Variants in RARS2 observed in about 807,000 individuals in gnomAD.
RARS2 encodes the protein probable arginine--tRNA ligase, mitochondrial.
In RARS2, 67 loss-of-function variants were observed where a neutral mutation model predicts 88.5. The ratio of observed to expected loss-of-function variants is 0.76; its 90% CI spans 0.62 to 0.93. RARS2 has a LOEUF of 0.93. Ranked by LOEUF, RARS2 falls within the 40% of genes least tolerant of loss-of-function variation. The pLI is 0.00. For missense variants in RARS2, 664 were observed against 684.2 expected (o/e 0.97, Z 0.33); for synonymous variants, 239 against 230.3 (o/e 1.04, Z -0.34).
At chr6:87,538,925 T>C (rs35350424) in intron 8 of RARS2, among the ~76,000 whole-genome samples, 9,338 of 151,896 alleles carry the variant, frequency 0.061, 340 homozygotes, top group African/African-American at 0.11. Flanking sequence ...TCCTAGCTAC[T>C]TGGGTTGCTG....
intron 8 of RARS2, among the ~76,000 whole-genome samples, chr6:87,537,338 T>C (rs1231862431): frequency 6.6e-6 from 1 of 152,100 alleles, no homozygotes; most frequent in Non-Finnish European, 1.5e-5. Flanking sequence ...CATTCTATAG[T>C]GGGGGTGTGG....
intron 8 of RARS2, among the ~76,000 whole-genome samples, chr6:87,538,935 G>A (rs1336645770): frequency 6.6e-6 from 1 of 152,024 alleles, no homozygotes; most frequent in Non-Finnish European, 1.5e-5. Flanking sequence ...TTGGGTTGCT[G>A]AGGTGGGAGA....
intron 5 of RARS2, among the ~76,000 whole-genome samples, chr6:87,551,988 A>G (rs1412355445): frequency 6.6e-6 from 1 of 152,180 alleles, no homozygotes; most frequent in Non-Finnish European, 1.5e-5. Context: ...GAGGAGTCCA[A>G]ATCTATGATG....
chr6:87,588,827 A>G (rs1174103830), intron 1 of RARS2, among the ~76,000 whole-genome samples: 1 of 152,172 alleles, frequency 6.6e-6, no homozygotes, highest in Non-Finnish European at 1.5e-5. Flanking sequence ...TCTCCCTCTG[A>G]AAGACCAGCC....
chr6:87,582,324 T>C (rs562556141), intron 1 of RARS2, among the ~76,000 whole-genome samples: 68 of 152,340 alleles, frequency 4.5e-4, no homozygotes, highest in African/African-American at 1.5e-3. Flanking sequence ...TGGTATCTCA[T>C]TGTGGTTTTG....
intron 4 of RARS2, among the ~76,000 whole-genome samples, chr6:87,560,027 T>C (rs1295896683): frequency 1.3e-5 from 2 of 152,258 alleles, no homozygotes; most frequent in African/African-American, 4.8e-5. Flanking sequence ...TTTTATCATC[T>C]AGGTTTGTGT....
intron 1 of RARS2, among the ~76,000 whole-genome samples, chr6:87,570,119 C>G (rs1486675613): frequency 6.6e-6 from 1 of 152,088 alleles, no homozygotes; most frequent in Admixed American, 6.6e-5. Flanking sequence ...AAAATGTGAT[C>G]CCCGTCCCTA....
At chr6:87,583,670 C>T (rs2128225209) in intron 1 of RARS2, among the ~76,000 whole-genome samples, 1 of 151,826 alleles carries the variant, frequency 6.6e-6, no homozygotes, top group East Asian at 1.9e-4. Context: ...GACAAATCTA[C>T]ATTCCATCAT....
intron 8 of RARS2, among the ~76,000 whole-genome samples, chr6:87,537,095 T>TA (rs1299981650): frequency 2.0e-5 from 3 of 152,230 alleles, no homozygotes; most frequent in African/African-American, 7.2e-5. Context: ...AATATACTAA[T>TA]ACTGATTATA....
At chr6:87,562,572 G>T in intron 4 of RARS2, 130 bp downstream of exon 4, 1 of 714,202 alleles carries the variant, frequency 1.4e-6, no homozygotes, top group Non-Finnish European at 2.5e-6. Context: ...TACTCTCCAA[G>T]TTATGGATCA....
At chr6:87,539,867 T>C (rs867016824) in intron 8 of RARS2, among the ~76,000 whole-genome samples, 4 of 152,204 alleles carry the variant, frequency 2.6e-5, no homozygotes, top group Admixed American at 2.0e-4. Flanking sequence ...CATTTTTACA[T>C]ATAACATCTG....
intron 4 of RARS2, among the ~76,000 whole-genome samples, chr6:87,561,472 C>T (rs1356744594): frequency 6.6e-6 from 1 of 152,172 alleles, no homozygotes; most frequent in African/African-American, 2.4e-5. Flanking sequence ...GGTATATTCA[C>T]GGCAACTTGA....
At position 87,521,169 on chromosome 6, in the gene RARS2, A is replaced by G. The variant is rs910268; in HGVS notation, c.1035+295T>C. Among the ~76,000 whole-genome samples the G allele has an allele frequency of 5.6e-3, 855 of 152,358 alleles. 11 individuals carry two copies. The highest frequency in any genetic ancestry group is 0.02 in the African/African-American group (826 of 41,584). On this transcript the variant is annotated intron_variant, in intron 12 of 19. Transcript: ENST00000369536. ...TAAAGTTATTTAAAAACAACTGTTG[A>G]GCCCAAATCAGAATTGAAAAATAAA...
chr6:87,571,740 G>A (rs1180453451), intron 1 of RARS2, among the ~76,000 whole-genome samples: 1 of 152,190 alleles, frequency 6.6e-6, no homozygotes, highest in Non-Finnish European at 1.5e-5. Context: ...ATACTCTCCT[G>A]TTGTCAACAG....
At chr6:87,589,315 T>C (rs1320559657) in intron 1 of RARS2, among the ~76,000 whole-genome samples, 9 of 152,180 alleles carry the variant, frequency 5.9e-5, no homozygotes, top group Admixed American at 5.2e-4. Flanking sequence ...GTTTGAGGCC[T>C]GCCTGGGCAA....
intron 2 of RARS2, chr6:87,564,499 A>C (rs1767232433): frequency 4.9e-6 from 2 of 409,764 alleles, no homozygotes; most frequent in South Asian, 2.1e-5. Context: ...TCTACTAAAA[A>C]TACACACACA....
At chr6:87,533,387 C>T (rs1467146613) in intron 8 of RARS2, among the ~76,000 whole-genome samples, 1 of 152,152 alleles carries the variant, frequency 6.6e-6, no homozygotes, top group African/African-American at 2.4e-5. Context: ...ATAAGCACTT[C>T]CCAATATACC....
intron 2 of RARS2, among the ~76,000 whole-genome samples, chr6:87,565,888 A>T (rs575709071): frequency 1.6e-4 from 25 of 152,342 alleles, no homozygotes; most frequent in African/African-American, 6.0e-4. Flanking sequence ...CTTCATTAAC[A>T]CTTATGAAAC....
At chr6:87,522,954 C>T (rs1019685343) in intron 11 of RARS2, among the ~76,000 whole-genome samples, 1 of 151,946 alleles carries the variant, frequency 6.6e-6, no homozygotes, top group South Asian at 2.1e-4. Flanking sequence ...GATATGTATA[C>T]AATATATACA....
Sources: allele counts gnomAD v4.1 joint callset (sites outside exome capture counted in the v4.1 genomes callset), GRCh38; gene constraint gnomAD v4.1.1; transcripts MANE v1.5; gene names NCBI Gene and HGNC (gene_info 2026-07-23, HGNC 2026-07-21).